NEDD1: variants seen among roughly 807,000 people sequenced by gnomAD.
NEDD1 encodes protein NEDD1.
A neutral mutation model predicts 74.0 loss-of-function variants in NEDD1; 33 were observed. The observed-to-expected ratio is 0.45, with a 90% CI of 0.34 to 0.60. The LOEUF is 0.60. Among genes scored for constraint, NEDD1 ranks in the 20% least tolerant of loss-of-function variants. NEDD1 has a pLI of 0.01. For synonymous variants in NEDD1, 250 were observed against 264.4 expected (o/e 0.95, Z 0.53); for missense variants, 746 against 776.5 (o/e 0.96, Z 0.47).
intron 13 of NEDD1, among the ~76,000 whole-genome samples, chr12:96,945,150 G>A (rs249587): frequency 0.92 from 139,538 of 152,098 alleles, 64,076 homozygotes; most frequent in African/African-American, 0.97. Flanking sequence ...AGTTTGTGCT[G>A]CAGACCCATA....
intron 6 of NEDD1, chr12:96,924,824 G>A (rs556216741): frequency 7.1e-5 from 32 of 449,320 alleles, no homozygotes; most frequent in East Asian, 1.4e-4. Flanking sequence ...TCTTTATTGC[G>A]TTGACTAGGC....
At chr12:96,917,377 C>T (rs1367745517) in intron 4 of NEDD1, among the ~76,000 whole-genome samples, 2 of 152,098 alleles carry the variant, frequency 1.3e-5, no homozygotes, top group African/African-American at 2.4e-5. Flanking sequence ...GTGTCGTCAC[C>T]GGTCCACAGA....
intron 13 of NEDD1, 56 bp from the exon 14 acceptor site, chr12:96,945,637 T>C: frequency 9.2e-7 from 1 of 1,085,598 alleles, no homozygotes; most frequent in Non-Finnish European, 1.4e-6. Context: ...TTTAGAAATG[T>C]TTGATGTCTC....
intron 6 of NEDD1, among the ~76,000 whole-genome samples, chr12:96,931,181 TTAA>T (rs896218035): frequency 1.3e-5 from 2 of 152,276 alleles, no homozygotes; most frequent in African/African-American, 4.8e-5. Flanking sequence ...GATGTTTGTA[TTAA>T]TTTCTTACTG....
chr12:96,951,383 A>T (rs944265481), intron 14 of NEDD1, 49 bp from the exon 15 acceptor site: 2 of 1,055,086 alleles, frequency 1.9e-6, no homozygotes, highest in Non-Finnish European at 2.9e-6. Context: ...AATGACCTAG[A>T]ATTGGTTAAA....
At chr12:96,941,885 A>G (rs1177125200) in intron 10 of NEDD1, among the ~76,000 whole-genome samples, 10 of 152,116 alleles carry the variant, frequency 6.6e-5, no homozygotes, top group Admixed American at 2.6e-4. Context: ...ATGCTGTGCA[A>G]TTACTGGGAA....
At chr12:96,922,631 T>A (rs1360596705) in intron 6 of NEDD1, among the ~76,000 whole-genome samples, 2 of 152,228 alleles carry the variant, frequency 1.3e-5, no homozygotes, top group Non-Finnish European at 1.5e-5. Context: ...AAGATTTAAA[T>A]TTTTTAAAAC....
intron 5 of NEDD1, among the ~76,000 whole-genome samples, chr12:96,918,751 C>A (rs1056949351): frequency 6.6e-6 from 1 of 152,176 alleles, no homozygotes; most frequent in African/African-American, 2.4e-5. Context: ...GACTTATTCT[C>A]CACAGTTGAA....
chr12:96,948,187 C>G (rs1448555712), intron 14 of NEDD1, among the ~76,000 whole-genome samples: 1 of 152,102 alleles, frequency 6.6e-6, no homozygotes, highest in Non-Finnish European at 1.5e-5. Context: ...AAGGTTTCAC[C>G]AGGCTCTGTG....
chr12:96,930,328 A>T (rs1008410766), intron 6 of NEDD1, among the ~76,000 whole-genome samples: 1 of 152,142 alleles, frequency 6.6e-6, no homozygotes, highest in Middle Eastern at 3.4e-3. Context: ...GTATATAGTC[A>T]TACTCATGGC....
chr12:96,949,637 G>T (rs779073710), intron 14 of NEDD1, among the ~76,000 whole-genome samples: 6 of 152,042 alleles, frequency 3.9e-5, no homozygotes, highest in Non-Finnish European at 8.8e-5. Flanking sequence ...GGACTTATTT[G>T]TCAGATGAAT....
At position 96,912,723 on chromosome 12, in the gene NEDD1, A is replaced by G. The variant is rs1318226154; in HGVS notation, c.137A>G (p.Asn46Ser). The G allele has an allele frequency of 2.4e-5, 37 of 1,514,776 alleles. No homozygotes were observed. Among genetic ancestry groups the G allele is most frequent in the Non-Finnish European group, 3.1e-5 (34 of 1,090,810 alleles). The allele number at this position is 1,514,776 out of a possible 1,614,324, so 93.8% of individuals were successfully genotyped here. The change falls in exon 4 of 16, where the codon AAT (asparagine) becomes AGT (serine). Residue 46 changes from asparagine to serine, a missense_variant and splice_region_variant. Asn to Ser is a conservative substitution (Grantham distance 46). Around this residue, in one of 3 missense-constraint regions of NEDD1, gnomAD observed 706 missense variants for 706.7 expected, o/e 1.00. Coordinates refer to ENST00000266742, the MANE Select transcript of NEDD1 (RefSeq NM_152905.4). Reference protein sequence around the residue: ...GISSICWSSNNNFLVTASSSG... With the variant: ...GISSICWSSNSNFLVTASSSG... The stretch of plus-strand genomic sequence containing the variant: ...TGATGCTCCATAACTCCTCATTTAG[A>G]TAACTTTTTAGTAACAGCATCTTCC...
chr12:96,922,341 G>C (rs1875191981), intron 6 of NEDD1, among the ~76,000 whole-genome samples: 1 of 151,890 alleles, frequency 6.6e-6, no homozygotes, highest in Non-Finnish European at 1.5e-5. Context: ...ATAAACTTTG[G>C]AACTATTGTG....
chr12:96,934,949 A>C (rs1030811743), intron 6 of NEDD1, 27 bp from the exon 7 acceptor site: 2 of 1,369,984 alleles, frequency 1.5e-6, no homozygotes, highest in Non-Finnish European at 1.0e-6. Context: ...TTATAATTAC[A>C]TAAAATTTAT....
chr12:96,917,551 T>G, intron 4 of NEDD1, 70 bp from the exon 5 acceptor site: 15 of 1,435,318 alleles, frequency 1.0e-5, no homozygotes, highest in Non-Finnish European at 1.4e-5. Flanking sequence ...TACTAAGTGT[T>G]GGATGAGACC....
chr12:96,950,203 C>T (rs1489217752), intron 14 of NEDD1, among the ~76,000 whole-genome samples: 1 of 151,868 alleles, frequency 6.6e-6, no homozygotes, highest in Non-Finnish European at 1.5e-5. Context: ...CACAATTAAT[C>T]AGAGAACTAA....
intron 5 of NEDD1, 116 bp downstream of exon 5, chr12:96,917,853 A>G: frequency 8.1e-7 from 1 of 1,232,094 alleles, no homozygotes; most frequent in South Asian, 1.9e-5. Context: ...TCAGAATTGA[A>G]CTAAGATTTG....
At chr12:96,937,442 T>TG in intron 9 of NEDD1, 49 bp downstream of exon 9, 68 of 352,266 alleles carry the variant, frequency 1.9e-4, no homozygotes, top group Non-Finnish European at 2.3e-4. Flanking sequence ...TTTTTTTTTG[T>TG]TTTTTTGTTT....
Position 96,953,097 on chromosome 12 carries a change from G to T in NEDD1, c.*1044G>T, listed in dbSNP as rs967129111. The T allele has an allele frequency of 6.6e-6, 1 of 150,640 alleles. No homozygotes were observed. Among genetic ancestry groups the T allele is most frequent in the African/African-American group, 2.4e-5 (1 of 41,120 alleles). 9.3% of individuals were successfully genotyped at this position (150,640 alleles called of 1,614,324 possible). A position where few individuals can be genotyped will look rare whatever the true frequency, so the allele number is the denominator to read the frequency against. On this transcript the variant is annotated 3_prime_UTR_variant, in exon 16 of 16. Transcript: ENST00000266742. ...TTTTAGGTTAAGTGAAGCTTGGGGG[G>T]GCTACTGACTTGGTTACCTTCTTGT...
Sources: allele counts gnomAD v4.1 joint callset (sites outside exome capture counted in the v4.1 genomes callset), GRCh38; gene constraint gnomAD v4.1.1; regional missense constraint gnomAD v4.1.1; transcripts MANE v1.5; gene names NCBI Gene and HGNC (gene_info 2026-07-23, HGNC 2026-07-21).